The following USP3 variants were observed in gnomAD, a reference collection of about 807,000 sequenced individuals.
USP3 encodes ubiquitin carboxyl-terminal hydrolase 3.
A neutral mutation model predicts 72.3 loss-of-function variants in USP3; 20 were observed. The ratio of observed to expected loss-of-function variants is 0.28; its 90% CI spans 0.19 to 0.40. USP3 has a LOEUF of 0.40. USP3 is among the 10% of genes least tolerant of loss of function. USP3 has a pLI of 1.00. For synonymous variants in USP3, 222 were observed against 225.3 expected (o/e 0.99, Z 0.13); for missense variants, 479 against 633.9 (o/e 0.76, Z 2.62).
intron 3 of USP3, among the ~76,000 whole-genome samples, chr15:63,540,133 T>C (rs35627589): frequency 0.49 from 74,238 of 152,086 alleles, 19,021 homozygotes; most frequent in Non-Finnish European, 0.56. Flanking sequence ...CAAAGCCTTT[T>C]TTGCAGTGTG....
At chr15:63,512,353 CTCTTCT>C (rs751934853) in intron 1 of USP3, among the ~76,000 whole-genome samples, 2 of 44,988 alleles carry the variant, frequency 4.4e-5, no homozygotes, top group Admixed American at 4.8e-4. Flanking sequence ...CCTCCTCTTC[CTCTTCT>C]TCTTCTTTCT....
chr15:63,516,262 AC>A (rs2065849234), intron 1 of USP3, among the ~76,000 whole-genome samples: 1 of 152,078 alleles, frequency 6.6e-6, no homozygotes, highest in African/African-American at 2.4e-5. Flanking sequence ...CCAAGCACTA[AC>A]TCTTTTCTAA....
intron 2 of USP3, 58 bp downstream of exon 2, chr15:63,532,765 G>C: frequency 6.4e-7 from 1 of 1,567,236 alleles, no homozygotes. Flanking sequence ...TTGTCTTTAA[G>C]CTTTATGTCA....
intron 1 of USP3, among the ~76,000 whole-genome samples, chr15:63,517,891 C>T (rs375503593): frequency 1.3e-5 from 2 of 152,192 alleles, no homozygotes; most frequent in Non-Finnish European, 2.9e-5. Context: ...ACTTCTTTCT[C>T]ACTTACAAAA....
rs2067128618 is a variant in USP3, at chr15:63,588,906, A to G, written c.1330-38A>G. ...GAGGGTAGAGGTCATCGAGATACTG[A>G]TGTCATTGACCACTGCTCCTTCTTC... On this transcript the variant is annotated intron_variant, in intron 13 of 14. Transcript: ENST00000380324. This position sits in a 1 kb window ranked among gnomAD's most constrained non-coding sequence, Gnocchi z 4.6. 1 of 1,613,524 alleles carries G rather than the reference A, an allele frequency of 6.2e-7. No individual in the cohort carries two copies. The highest frequency in any genetic ancestry group is 1.3e-5 in the African/African-American group (1 of 74,888).
rs991175582 is a variant in USP3 at position 63,529,252 on chromosome 15, A to G, written c.92-3395A>G. ...AGTCACTTGTTTCCAATGATTTTGG[A>G]AGTCAGTACTTTATTCCCTTTTACT... is the stretch of plus-strand genomic sequence containing the variant. On this transcript the variant is annotated intron_variant, in intron 1 of 14. Coordinates refer to ENST00000380324, the MANE Select transcript of USP3 (RefSeq NM_006537.4). The surrounding 1 kb of genome is among the most constrained non-coding windows in gnomAD (Gnocchi z 4.2). 2 of 401,218 alleles carry G rather than the reference A, an allele frequency of 5.0e-6. No homozygotes were observed. Among genetic ancestry groups the G allele is most frequent in the Non-Finnish European group, 9.5e-6 (2 of 211,456 alleles). 24.9% of individuals were successfully genotyped at this position (401,218 alleles called of 1,614,324 possible). A position where few individuals can be genotyped will look rare whatever the true frequency, so the allele number is the denominator to read the frequency against.
At position 63,574,129 on chromosome 15, in the gene USP3, C is replaced by G; in HGVS notation, c.992C>G (p.Ser331Cys). Residue 331 changes from serine (S) to cysteine (C), a missense_variant, in exon 10 of 15, where the codon TCT becomes TGT. Coordinates refer to ENST00000380324, the MANE Select transcript of USP3 (RefSeq NM_006537.4). The surrounding 1 kb of genome is among the most constrained non-coding windows in gnomAD (Gnocchi z 4.6). ...AACTGCCTCATATGTGGGACAGAAT[C>G]TAGAAAGTTTGATCCATTCCTAGGT... ...EVNCLICGTE[S>C]RKFDPFLDLS... 6.3e-7 allele frequency: 1 copy of G among 1,592,306 alleles called. No homozygotes were observed. Among genetic ancestry groups the G allele is most frequent in the South Asian group, 1.2e-5 (1 of 85,342 alleles).
intron 3 of USP3, among the ~76,000 whole-genome samples, chr15:63,542,784 C>T (rs1379425080): frequency 3.9e-5 from 6 of 152,072 alleles, no homozygotes; most frequent in Admixed American, 3.9e-4. Context: ...AGAAACGAGA[C>T]TAATACTTCC....
intron 7 of USP3, among the ~76,000 whole-genome samples, chr15:63,561,567 C>CA (rs916257349): frequency 2.6e-5 from 4 of 152,206 alleles, no homozygotes; most frequent in African/African-American, 9.6e-5. Context: ...CTTTGCCCCC[C>CA]CTGCTACCAG....
Position 63,564,322 on chromosome 15 carries a change from G to A in USP3, c.761+1314G>A, listed in dbSNP as rs551258742. Among the ~76,000 whole-genome samples the A allele has an allele frequency of 1.5e-4, 23 of 151,958 alleles. 1 individual carries two copies. The highest frequency in any genetic ancestry group is 1.5e-3 in the Admixed American group (23 of 15,264). Reference sequence around the variant, plus strand: ...CAAAACTGAGACAGAGAGGAGAAGCGACTTGTTTAAGTTTATACATCTCGT... The same window carrying A: ...CAAAACTGAGACAGAGAGGAGAAGCAACTTGTTTAAGTTTATACATCTCGT... On this transcript the variant is annotated intron_variant, in intron 8 of 14. Transcript: ENST00000380324.
In USP3 at chr15:63,592,165, C is replaced by G. The variant is rs1476283289; in HGVS notation, c.*1339C>G. 1 of 152,088 alleles carries G rather than the reference C, an allele frequency of 6.6e-6. No homozygotes were observed. The highest frequency in any genetic ancestry group is 2.4e-5 in the African/African-American group (1 of 41,396). The allele number at this position is 152,088 out of a possible 1,614,324, so 9.4% of individuals were successfully genotyped here. On this transcript the variant is annotated 3_prime_UTR_variant, in exon 15 of 15. Coordinates refer to ENST00000380324, the MANE Select transcript of USP3 (RefSeq NM_006537.4). ...CTCCCTCCTGACCTCAGGTGATCCGCCTGCCTCAGCCTCCCAAAGTGCTGA... is the reference window on the plus strand; with the variant it reads ...CTCCCTCCTGACCTCAGGTGATCCGGCTGCCTCAGCCTCCCAAAGTGCTGA...
intron 3 of USP3, among the ~76,000 whole-genome samples, chr15:63,546,748 C>T (rs1041866055): frequency 2.6e-5 from 4 of 152,020 alleles, no homozygotes; most frequent in East Asian, 3.9e-4. Context: ...TACAGGTGCC[C>T]GCCACCATGC....
At chr15:63,531,964 T>C (rs2066083261) in intron 1 of USP3, among the ~76,000 whole-genome samples, 1 of 152,206 alleles carries the variant, frequency 6.6e-6, no homozygotes, top group Non-Finnish European at 1.5e-5. Flanking sequence ...TATCCCTCCC[T>C]TTTAAATATC....
intron 3 of USP3, among the ~76,000 whole-genome samples, chr15:63,547,577 A>T (rs756498352): frequency 6.6e-6 from 1 of 151,972 alleles, no homozygotes; most frequent in Non-Finnish European, 1.5e-5. Context: ...AAAAGTAAAA[A>T]AAAATAGCCA....
Position 63,528,749 on chromosome 15 carries a change from G to A in USP3, c.92-3898G>A, listed in dbSNP as rs565321000. Among the ~76,000 whole-genome samples the A allele has an allele frequency of 6.6e-6, 1 of 152,236 alleles. No homozygotes were observed. The highest frequency in any genetic ancestry group is 2.4e-5 in the African/African-American group (1 of 41,534). On this transcript the variant is annotated intron_variant, in intron 1 of 14. Coordinates refer to ENST00000380324, the MANE Select transcript of USP3 (RefSeq NM_006537.4). The surrounding 1 kb of genome is among the most constrained non-coding windows in gnomAD (Gnocchi z 4.3). The stretch of plus-strand genomic sequence containing the variant: ...TGAAACTACCTTTTATAATAAGATA[G>A]TCCCCCTAAAGGTGATTAAAATAAA...
Position 63,532,669 on chromosome 15 carries a change from T to C in USP3, c.114T>C (p.Pro38=), listed in dbSNP as rs2066094722. 7 of 1,613,918 alleles carry C rather than the reference T, an allele frequency of 4.3e-6. No individual in the cohort carries two copies. The highest frequency in any genetic ancestry group is 5.9e-6 in the Non-Finnish European group (7 of 1,179,962). ...CCSVCRSNKS[P]WVCLTCSSVH... The stretch of plus-strand genomic sequence containing the variant: ...TAGTGTGCCGGTCCAACAAAAGCCC[T>C]TGGGTCTGTTTGACTTGTTCAAGTG... The change falls in exon 2 of 15, where the codon CCT becomes CCC. Residue 38 remains proline, a synonymous_variant. Coordinates refer to ENST00000380324, the MANE Select transcript of USP3 (RefSeq NM_006537.4).
chr15:63,504,619 G>T lies in USP3; in HGVS notation c.-121G>T. On this transcript the variant is annotated 5_prime_UTR_variant, in exon 1 of 15. Coordinates refer to ENST00000380324, the MANE Select transcript of USP3 (RefSeq NM_006537.4). ...TTTCTTTGACGCAAGGGCTCGAGAC[G>T]CAGCCGCCGTCGGCCGAGCGCCCGG... is the stretch of plus-strand genomic sequence containing the variant. 1 of 806,250 alleles carries T rather than the reference G, an allele frequency of 1.2e-6. No individual in the cohort carries two copies. Among genetic ancestry groups the T allele is most frequent in the South Asian group, 2.0e-5 (1 of 49,282 alleles). 49.9% of individuals were successfully genotyped at this position (806,250 alleles called of 1,614,324 possible).
chr15:63,544,398 C>T lies in USP3; in HGVS notation c.284+7242C>T, dbSNP rs757316402. On this transcript the variant is annotated intron_variant, in intron 3 of 14. Transcript: ENST00000380324. This position sits in a 1 kb window ranked among gnomAD's most constrained non-coding sequence, Gnocchi z 4.2. Reference sequence around the variant, plus strand: ...GTGAGGTCTGGTAGAAAGAAAGTAACTTTATTAACCAAAACTAGTGAAAGG... The same window carrying T: ...GTGAGGTCTGGTAGAAAGAAAGTAATTTTATTAACCAAAACTAGTGAAAGG... 11 of 327,188 alleles carry T rather than the reference C, an allele frequency of 3.4e-5. No individual in the cohort carries two copies. Among genetic ancestry groups the T allele is most frequent in the Non-Finnish European group, 5.6e-5 (10 of 177,252 alleles). 20.3% of individuals were successfully genotyped at this position (327,188 alleles called of 1,614,324 possible).
At chr15:63,508,759 A>G (rs1413031453) in intron 1 of USP3, among the ~76,000 whole-genome samples, 1 of 152,234 alleles carries the variant, frequency 6.6e-6, no homozygotes, top group Non-Finnish European at 1.5e-5. Flanking sequence ...AGGACCAAGC[A>G]TTTGAACTTG....
Sources: gnomAD v4.1 joint callset for allele counts (sites outside exome capture counted in the v4.1 genomes callset) on GRCh38, gnomAD v4.1.1 for gene constraint, Gnocchi (gnomAD v3.1) non-coding constraint, MANE v1.5 for transcripts, NCBI Gene and HGNC (gene_info 2026-07-23, HGNC 2026-07-21) for gene names.